SNX29: variants seen among roughly 807,000 people sequenced by gnomAD.
The protein encoded by SNX29 is sorting nexin 29, also known as sorting nexin-29.
In SNX29, 78 loss-of-function variants were observed where a neutral mutation model predicts 102.1. That is an observed-to-expected ratio of 0.76 (90% CI 0.64 to 0.92). The LOEUF (loss-of-function observed/expected upper bound fraction) is 0.92. SNX29 is among the 40% of genes least tolerant of loss of function. SNX29 has a pLI of 0.00. For synonymous variants in SNX29, 580 were observed against 414.5 expected (o/e 1.40, Z -4.85); for missense variants, 1,280 against 1,061.7 (o/e 1.21, Z -2.86).
intron 20 of SNX29, among the ~76,000 whole-genome samples, chr16:12,537,233 A>G (rs2077116915): frequency 6.6e-6 from 1 of 152,212 alleles, no homozygotes. Flanking sequence ...GCAAGGTGCC[A>G]GGCACACCCA....
rs536291138 is a variant in SNX29, at chr16:12,515,782, A to G, written c.2179-8920A>G. ...TCCTTCAAGGCACGGTGCCTTGGAC[A>G]TATGCAGGCATGCGGCAGATAGTCA... On this transcript the variant is annotated intron_variant, in intron 19 of 20. Coordinates refer to ENST00000566228, the MANE Select transcript of SNX29 (RefSeq NM_032167.5). 4.6e-5 allele frequency among the ~76,000 whole-genome samples: 7 copies of G among 152,236 alleles called. No homozygotes were observed. The East Asian group carries it at 1.2e-3, about 25-fold the overall frequency.
chr16:12,302,525 C>T (rs1370020330), intron 15 of SNX29, among the ~76,000 whole-genome samples: 1 of 152,312 alleles, frequency 6.6e-6, no homozygotes, highest in East Asian at 1.9e-4. Flanking sequence ...TCATAGAGGG[C>T]ATGTTCTTGC....
At chr16:12,092,229 C>T (rs896391990) in intron 11 of SNX29, among the ~76,000 whole-genome samples, 5 of 152,152 alleles carry the variant, frequency 3.3e-5, no homozygotes, top group African/African-American at 1.2e-4. Context: ...AGTTAATTGC[C>T]ATTTTCCTCC....
chr16:12,091,793 AG>A (rs1555458620), intron 11 of SNX29, among the ~76,000 whole-genome samples: 2 of 149,042 alleles, frequency 1.3e-5, no homozygotes, highest in African/African-American at 4.9e-5. Flanking sequence ...AAAAAAAAAA[AG>A]GGACCCCAGA....
intron 18 of SNX29, among the ~76,000 whole-genome samples, chr16:12,475,151 A>G (rs1466512700): frequency 1.3e-5 from 2 of 152,238 alleles, no homozygotes; most frequent in Non-Finnish European, 2.9e-5. Flanking sequence ...ATGGCCAGAA[A>G]GGTTGCACTG....
chr16:12,252,163 A>G (rs1449855975), intron 14 of SNX29, among the ~76,000 whole-genome samples: 1 of 152,238 alleles, frequency 6.6e-6, no homozygotes, highest in Non-Finnish European at 1.5e-5. Context: ...CAAATCCACA[A>G]GGGTTTCTGC....
chr16:12,463,305 G>A (rs759947126), intron 18 of SNX29, among the ~76,000 whole-genome samples: 4 of 152,128 alleles, frequency 2.6e-5, no homozygotes, highest in Non-Finnish European at 2.9e-5. Context: ...TGTATTAGTC[G>A]GTTTTCATGC....
At chr16:12,498,366 A>G (rs1319003339) in intron 19 of SNX29, among the ~76,000 whole-genome samples, 1 of 152,180 alleles carries the variant, frequency 6.6e-6, no homozygotes, top group African/African-American at 2.4e-5. Flanking sequence ...TGAAAGCAAA[A>G]AAAGTGGCAT....
chr16:12,444,826 G>A (rs868064390), intron 18 of SNX29, among the ~76,000 whole-genome samples: 4 of 144,396 alleles, frequency 2.8e-5, no homozygotes, highest in African/African-American at 5.3e-5. Flanking sequence ...TTGTCCCCTC[G>A]ACAGTGTTTT....
chr16:12,261,782 T>G (rs1355742911), intron 14 of SNX29, among the ~76,000 whole-genome samples: 19 of 124,526 alleles, frequency 1.5e-4, no homozygotes, highest in South Asian at 5.8e-4. Flanking sequence ...GGAGTGAGTG[T>G]TTGCTGAGCT....
At chr16:11,977,073 C>T in intron 1 of SNX29, 1 of 387,278 alleles carries the variant, frequency 2.6e-6, no homozygotes, top group Non-Finnish European at 4.5e-6. Flanking sequence ...AAACCCCTGT[C>T]CCCAGTTGTT....
chr16:12,396,190 A>G (rs578023945), intron 16 of SNX29, among the ~76,000 whole-genome samples: 8 of 152,318 alleles, frequency 5.3e-5, no homozygotes, highest in Admixed American at 3.9e-4. Context: ...CCTACCCAAA[A>G]AATACCTTGT....
intron 13 of SNX29, among the ~76,000 whole-genome samples, chr16:12,173,651 G>C (rs1215873435): frequency 6.6e-6 from 1 of 152,156 alleles, no homozygotes; most frequent in Non-Finnish European, 1.5e-5. Context: ...TCTGCTTCTG[G>C]AGCCAATGCT....
intron 14 of SNX29, among the ~76,000 whole-genome samples, chr16:12,241,154 C>T (rs150131173): frequency 5.3e-5 from 8 of 152,104 alleles, no homozygotes; most frequent in Admixed American, 2.6e-4. Flanking sequence ...AATAATTAAC[C>T]GGGATTCCAA....
At chr16:12,537,971 C>G (rs1355121579) in intron 20 of SNX29, among the ~76,000 whole-genome samples, 3 of 114,192 alleles carry the variant, frequency 2.6e-5, no homozygotes, top group African/African-American at 1.1e-4. Flanking sequence ...GGCAATAGAG[C>G]AAAACTCCGT....
intron 4 of SNX29, 151 bp from the exon 5 acceptor site, chr16:12,042,746 A>AT: frequency 1.3e-6 from 1 of 741,392 alleles, no homozygotes; most frequent in Non-Finnish European, 2.2e-6. Flanking sequence ...ATCTGGGTTG[A>AT]TTCCATGTCT....
chr16:12,144,180 A>T (rs1032320226), intron 13 of SNX29, among the ~76,000 whole-genome samples: 1 of 152,186 alleles, frequency 6.6e-6, no homozygotes, highest in African/African-American at 2.4e-5. Context: ...ATCTGAACGG[A>T]TAAGCTCATT....
chr16:12,475,776 T>A (rs2087564321), intron 18 of SNX29, among the ~76,000 whole-genome samples: 1 of 152,266 alleles, frequency 6.6e-6, no homozygotes, highest in African/African-American at 2.4e-5. Flanking sequence ...TGCTTATTGC[T>A]TTTGTACCAT....
chr16:12,127,950 G>C (rs1277251409), intron 12 of SNX29, among the ~76,000 whole-genome samples: 1 of 152,120 alleles, frequency 6.6e-6, no homozygotes, highest in East Asian at 1.9e-4. Flanking sequence ...GACGTGGGGA[G>C]AGGGGGGTGT....
Sources: allele counts gnomAD v4.1 joint callset (sites outside exome capture counted in the v4.1 genomes callset), GRCh38; gene constraint gnomAD v4.1.1; transcripts MANE v1.5; gene names NCBI Gene and HGNC (gene_info 2026-07-23, HGNC 2026-07-21).